EIF4EBP1: variants seen among roughly 807,000 people sequenced by gnomAD.
EIF4EBP1 encodes eukaryotic translation initiation factor 4E binding protein 1, also known as eukaryotic translation initiation factor 4E-binding protein 1.
A neutral mutation model predicts 9.2 loss-of-function variants in EIF4EBP1; 5 were observed. That is an observed-to-expected ratio of 0.54 (90% CI 0.28 to 1.14). The LOEUF is 1.14. EIF4EBP1 is among the 50% of genes most tolerant of loss of function. EIF4EBP1 has a pLI of 0.09. For synonymous variants in EIF4EBP1, 62 were observed against 67.0 expected (o/e 0.93, Z 0.36); for missense variants, 139 against 169.6 (o/e 0.82, Z 1.00).
At chr8:38,044,278 A>G (rs1809421985) in intron 1 of EIF4EBP1, among the ~76,000 whole-genome samples, 1 of 152,154 alleles carries the variant, frequency 6.6e-6, no homozygotes, top group African/African-American at 2.4e-5. Flanking sequence ...CTCAGTTTAC[A>G]GAAGTCCTAT....
intron 1 of EIF4EBP1, among the ~76,000 whole-genome samples, chr8:38,034,552 T>C (rs949192111): frequency 1.3e-5 from 2 of 152,184 alleles, no homozygotes; most frequent in African/African-American, 4.8e-5. Flanking sequence ...AAAGAAACTT[T>C]CCCTCATCAA....
chr8:38,035,090 A>T (rs951243220), intron 1 of EIF4EBP1, among the ~76,000 whole-genome samples: 16 of 152,190 alleles, frequency 1.1e-4, no homozygotes, highest in Admixed American at 2.6e-4. Flanking sequence ...CTCTGTCGGT[A>T]TAAATTAAAT....
chr8:38,056,148 A>G (rs538990111), intron 1 of EIF4EBP1, among the ~76,000 whole-genome samples: 3 of 151,584 alleles, frequency 2.0e-5, no homozygotes, highest in Non-Finnish European at 2.9e-5. Context: ...CGTACCCATC[A>G]TGCCCGACTC....
At chr8:38,041,672 C>T (rs948431348) in intron 1 of EIF4EBP1, among the ~76,000 whole-genome samples, 6 of 152,196 alleles carry the variant, frequency 3.9e-5, no homozygotes, top group East Asian at 3.9e-4. Context: ...CCTGTTCTCA[C>T]GGCCTTATGT....
At position 38,039,818 on chromosome 8, in the gene EIF4EBP1, C is replaced by G. The variant is rs145422910; in HGVS notation, c.145+9100C>G. Reference sequence around the variant, plus strand: ...ACAGTATTGCTGGTATTTCTTGTCCCAATATTACCGAACAGGGAGTGGATG... The same window carrying G: ...ACAGTATTGCTGGTATTTCTTGTCCGAATATTACCGAACAGGGAGTGGATG... On this transcript the variant is annotated intron_variant, in intron 1 of 2. Coordinates refer to ENST00000338825, the MANE Select transcript of EIF4EBP1 (RefSeq NM_004095.4). 4.0e-3 allele frequency among the ~76,000 whole-genome samples: 606 copies of G among 152,178 alleles called. 5 individuals are homozygous for G. Among genetic ancestry groups the G allele is most frequent in the African/African-American group, 0.014 (562 of 41,530 alleles).
At chr8:38,031,477 C>T (rs1809219084) in intron 1 of EIF4EBP1, among the ~76,000 whole-genome samples, 1 of 152,162 alleles carries the variant, frequency 6.6e-6, no homozygotes, top group South Asian at 2.1e-4. Context: ...GCCCCGGAGC[C>T]CCAGCGCACA....
chr8:38,051,593 ATTTAT>A (rs1013916622), intron 1 of EIF4EBP1, among the ~76,000 whole-genome samples: 3 of 151,648 alleles, frequency 2.0e-5, no homozygotes, highest in Non-Finnish European at 4.4e-5. Context: ...TTTTCCTTTT[ATTTAT>A]ATTTTTTTTT....
chr8:38,059,462 C>T (rs531647992), intron 2 of EIF4EBP1, among the ~76,000 whole-genome samples: 1 of 152,246 alleles, frequency 6.6e-6, no homozygotes, highest in Non-Finnish European at 1.5e-5. Flanking sequence ...AGTTAAACCT[C>T]TTTTCTTGGC....
At chr8:38,051,863 C>G (rs1809529726) in intron 1 of EIF4EBP1, among the ~76,000 whole-genome samples, 1 of 152,146 alleles carries the variant, frequency 6.6e-6, no homozygotes, top group South Asian at 2.1e-4. Flanking sequence ...TCCCAAAGTG[C>G]TGGGATTACA....
In EIF4EBP1 at chr8:38,042,255, G is replaced by A. The variant is rs571303842; in HGVS notation, c.145+11537G>A. Among the ~76,000 whole-genome samples, 4 of 152,254 alleles carry A rather than the reference G, an allele frequency of 2.6e-5. No homozygotes were observed. The South Asian group carries it at 6.2e-4, about 24-fold the overall frequency. On this transcript the variant is annotated intron_variant, in intron 1 of 2. Coordinates refer to ENST00000338825, the MANE Select transcript of EIF4EBP1 (RefSeq NM_004095.4). ...TGGACTCATGTGTCTGTGCCCAGCA[G>A]TACAAAACCAGGCAGGAATGAGAAT...
chr8:38,038,309 C>T (rs1809330954), intron 1 of EIF4EBP1, among the ~76,000 whole-genome samples: 1 of 151,228 alleles, frequency 6.6e-6, no homozygotes, highest in East Asian at 2.0e-4. Flanking sequence ...GAGATAGAGA[C>T]CATCCTGGCT....
intron 1 of EIF4EBP1, among the ~76,000 whole-genome samples, chr8:38,032,553 G>A (rs1307115107): frequency 1.3e-5 from 2 of 152,176 alleles, no homozygotes; most frequent in Non-Finnish European, 2.9e-5. Context: ...TTTTCACTTT[G>A]GGTTGGGAAG....
chr8:38,037,754 G>C (rs1809324024), intron 1 of EIF4EBP1, among the ~76,000 whole-genome samples: 1 of 152,002 alleles, frequency 6.6e-6, no homozygotes. Context: ...AACTTTCTCT[G>C]TTTTGATGAT....
At chr8:38,031,071 A>C (rs1003210531) in intron 1 of EIF4EBP1, among the ~76,000 whole-genome samples, 4 of 152,208 alleles carry the variant, frequency 2.6e-5, no homozygotes, top group Non-Finnish European at 5.9e-5. Flanking sequence ...AGGGTGGCCC[A>C]CGATCCAGGA....
intron 1 of EIF4EBP1, among the ~76,000 whole-genome samples, chr8:38,049,934 TG>T (rs2130393345): frequency 6.7e-6 from 1 of 148,688 alleles, no homozygotes; most frequent in South Asian, 2.1e-4. Flanking sequence ...TTTTTTGAGA[TG>T]GAATGTTTCT....
At chr8:38,043,292 C>T (rs1809407720) in intron 1 of EIF4EBP1, among the ~76,000 whole-genome samples, 1 of 151,926 alleles carries the variant, frequency 6.6e-6, no homozygotes, top group African/African-American at 2.4e-5. Context: ...GGCCAGCAAT[C>T]AGAATAATTA....
chr8:38,030,549 T>A lies in EIF4EBP1; in HGVS notation c.-25T>A. The A allele has an allele frequency of 1.3e-6, 2 of 1,492,654 alleles. No individual in the cohort carries two copies. Among genetic ancestry groups the A allele is most frequent in the Non-Finnish European group, 1.8e-6 (2 of 1,127,198 alleles). 92.5% of individuals were successfully genotyped at this position (1,492,654 alleles called of 1,614,324 possible). A position where few individuals can be genotyped will look rare whatever the true frequency, so the allele number is the denominator to read the frequency against. On this transcript the variant is annotated 5_prime_UTR_variant, in exon 1 of 3. Transcript: ENST00000338825. ...GAGGCGCGGGAGGGCAGCGAGAGGT[T>A]CGCGGGTGCAGCGCACAGGAGACCA...
chr8:38,032,225 C>T (rs1809235027), intron 1 of EIF4EBP1, among the ~76,000 whole-genome samples: 1 of 152,190 alleles, frequency 6.6e-6, no homozygotes, highest in African/African-American at 2.4e-5. Context: ...TTTATAGGCA[C>T]TTCTGGCCCG....
At chr8:38,039,808 T>A (rs1809352294) in intron 1 of EIF4EBP1, among the ~76,000 whole-genome samples, 1 of 152,218 alleles carries the variant, frequency 6.6e-6, no homozygotes, top group South Asian at 2.1e-4. Context: ...ATTGCTGGTA[T>A]TTCTTGTCCC....
Sources: allele counts gnomAD v4.1 joint callset (sites outside exome capture counted in the v4.1 genomes callset), GRCh38; gene constraint gnomAD v4.1.1; transcripts MANE v1.5; gene names NCBI Gene and HGNC (gene_info 2026-07-23, HGNC 2026-07-21).